STAC: variants seen among roughly 807,000 people sequenced by gnomAD.
The protein encoded by STAC is SH3 and cysteine rich domain, also known as SH3 and cysteine-rich domain-containing protein.
STAC carries 43 observed loss-of-function variants against 48.8 expected under a neutral mutation model. The ratio of observed to expected loss-of-function variants is 0.88; its 90% CI spans 0.69 to 1.14. The LOEUF is 1.14. Ranked by LOEUF, STAC falls within the 50% of genes most tolerant of loss-of-function variation. The pLI, the probability that STAC is intolerant of heterozygous loss-of-function variation, is 0.00. For synonymous variants in STAC, 193 were observed against 179.5 expected, an observed-to-expected ratio of 1.07 and a Z score of -0.60; for missense variants, 497 against 504.0, an observed-to-expected ratio of 0.99 and a Z score of 0.13.
chr3:36,538,011 A>G (rs1248783078), intron 10 of STAC, among the ~76,000 whole-genome samples: 1 of 152,084 alleles, frequency 6.6e-6, no homozygotes, highest in Non-Finnish European at 1.5e-5. Context: ...TTTTGGAGAA[A>G]ATTTGAGGGA....
chr3:36,459,298 G>A (rs1398059422), intron 2 of STAC: 4 of 152,080 alleles, frequency 2.6e-5, no homozygotes, highest in Admixed American at 6.6e-5. Flanking sequence ...AAGTACTAGG[G>A]AAAGCCACAA....
At chr3:36,448,603 T>C (rs1696586596) in intron 2 of STAC, among the ~76,000 whole-genome samples, 1 of 152,146 alleles carries the variant, frequency 6.6e-6, no homozygotes, top group Non-Finnish European at 1.5e-5. Context: ...ATAAGGAATG[T>C]TTGCAGGAGG....
chr3:36,486,099 G>A, intron 4 of STAC, 35 bp from the exon 5 acceptor site: 2 of 1,565,338 alleles, frequency 1.3e-6, no homozygotes, highest in Non-Finnish European at 1.8e-6. Context: ...CCTCTCAGAT[G>A]AGCTTCCTCA....
At chr3:36,521,169 C>T (rs1698794410) in intron 8 of STAC, among the ~76,000 whole-genome samples, 1 of 151,760 alleles carries the variant, frequency 6.6e-6, no homozygotes, top group Admixed American at 6.6e-5. Context: ...TGACTGGTTG[C>T]TATAAACTTG....
intron 8 of STAC, among the ~76,000 whole-genome samples, chr3:36,515,439 A>G (rs1319264185): frequency 2.0e-5 from 3 of 152,162 alleles, no homozygotes; most frequent in Admixed American, 6.6e-5. Context: ...TGCTTTTTCC[A>G]AAAAGGGTTT....
chr3:36,501,126 G>T (rs762629295), intron 6 of STAC, among the ~76,000 whole-genome samples: 1 of 151,762 alleles, frequency 6.6e-6, no homozygotes, highest in Non-Finnish European at 1.5e-5. Flanking sequence ...TATGTTAAAG[G>T]GATTCATAAT....
At chr3:36,430,389 T>C (rs1325932811) in intron 1 of STAC, among the ~76,000 whole-genome samples, 1 of 152,168 alleles carries the variant, frequency 6.6e-6, no homozygotes, top group Non-Finnish European at 1.5e-5. Context: ...AGAAGCAATA[T>C]TGGAGCTGAG....
intron 1 of STAC, among the ~76,000 whole-genome samples, chr3:36,425,985 T>C (rs1202285086): frequency 1.3e-5 from 2 of 152,142 alleles, no homozygotes; most frequent in African/African-American, 4.8e-5. Context: ...TAAGCTGAGA[T>C]TGTACCACTG....
intron 6 of STAC, among the ~76,000 whole-genome samples, chr3:36,495,085 G>T (rs1018847890): frequency 3.3e-5 from 5 of 152,108 alleles, no homozygotes; most frequent in African/African-American, 1.2e-4. Context: ...TGTTGCTCTG[G>T]AAGCAGAGTG....
At chr3:36,524,221 TAGTC>T (rs1433120272) in intron 8 of STAC, among the ~76,000 whole-genome samples, 7 of 152,182 alleles carry the variant, frequency 4.6e-5, no homozygotes, top group Admixed American at 6.5e-5. Flanking sequence ...GGTGCGGACT[TAGTC>T]AGCTGCTTAA....
chr3:36,486,514 T>A (rs1697820925), intron 5 of STAC, among the ~76,000 whole-genome samples: 1 of 152,158 alleles, frequency 6.6e-6, no homozygotes, highest in South Asian at 2.1e-4. Context: ...GGACCCCCTC[T>A]CCTTTACCCT....
intron 1 of STAC, among the ~76,000 whole-genome samples, chr3:36,416,671 T>C (rs1308494193): frequency 6.6e-6 from 1 of 152,168 alleles, no homozygotes; most frequent in Non-Finnish European, 1.5e-5. Flanking sequence ...CCCTTAATTC[T>C]TTAGGATATG....
chr3:36,388,635 C>T (rs550960381), intron 1 of STAC, among the ~76,000 whole-genome samples: 25 of 151,910 alleles, frequency 1.6e-4, no homozygotes, highest in Non-Finnish European at 2.8e-4. Flanking sequence ...TCATTTTCAT[C>T]CATCTGGAAT....
intron 1 of STAC, among the ~76,000 whole-genome samples, chr3:36,412,930 G>A (rs1199026166): frequency 1.3e-5 from 2 of 152,092 alleles, no homozygotes; most frequent in South Asian, 2.1e-4. Flanking sequence ...ATTTCGTTAT[G>A]TACCCAGTAG....
intron 1 of STAC, among the ~76,000 whole-genome samples, chr3:36,426,255 A>G (rs1359024451): frequency 5.9e-5 from 9 of 152,156 alleles, no homozygotes; most frequent in Non-Finnish European, 1.2e-4. Flanking sequence ...TATTAGGAGG[A>G]AGCAAAGTCT....
chr3:36,410,387 G>A (rs1160437811), intron 1 of STAC, among the ~76,000 whole-genome samples: 1 of 152,152 alleles, frequency 6.6e-6, no homozygotes, highest in African/African-American at 2.4e-5. Context: ...TAGACTCTGT[G>A]CTAAGAGCTT....
intron 1 of STAC, among the ~76,000 whole-genome samples, chr3:36,393,545 T>C (rs1164757113): frequency 1.3e-5 from 2 of 151,812 alleles, no homozygotes; most frequent in Non-Finnish European, 2.9e-5. Flanking sequence ...CAAAATTATG[T>C]TGAAACTCTA....
At chr3:36,451,958 A>G (rs1365332445) in intron 2 of STAC, among the ~76,000 whole-genome samples, 1 of 152,210 alleles carries the variant, frequency 6.6e-6, no homozygotes, top group Non-Finnish European at 1.5e-5. Flanking sequence ...CAGATTGGTG[A>G]GCAGAGATTA....
intron 8 of STAC, among the ~76,000 whole-genome samples, chr3:36,510,368 A>G (rs1364066150): frequency 2.0e-5 from 3 of 152,226 alleles, no homozygotes; most frequent in Non-Finnish European, 2.9e-5. Flanking sequence ...GCTGTAAATT[A>G]GTTCAACCAT....
Sources: gnomAD v4.1 joint callset for allele counts (sites outside exome capture counted in the v4.1 genomes callset) on GRCh38, gnomAD v4.1.1 for gene constraint, MANE v1.5 for transcripts, NCBI Gene and HGNC (gene_info 2026-07-23, HGNC 2026-07-21) for gene names.